The following TGS1 variants were observed in gnomAD, a reference collection of about 807,000 sequenced individuals.
The protein encoded by TGS1 is trimethylguanosine synthase 1, also known as trimethylguanosine synthase.
In TGS1, 69 loss-of-function variants were observed where a neutral mutation model predicts 92.2. The observed-to-expected ratio is 0.75, with a 90% CI of 0.62 to 0.91. TGS1 has a LOEUF of 0.91. TGS1 is among the 40% of genes least tolerant of loss of function. The pLI is 0.00. For synonymous variants in TGS1, 345 were observed against 338.1 expected (o/e 1.02, Z -0.22); for missense variants, 1,062 against 1,001.2 (o/e 1.06, Z -0.82).
chr8:55,817,927 G>T (rs954659792), intron 12 of TGS1, among the ~76,000 whole-genome samples: 3 of 152,166 alleles, frequency 2.0e-5, no homozygotes, highest in Admixed American at 6.5e-5. Flanking sequence ...CACACTTAGG[G>T]TGTACAGTGT....
At chr8:55,798,160 A>G (rs1040935733) in intron 7 of TGS1, among the ~76,000 whole-genome samples, 1 of 152,188 alleles carries the variant, frequency 6.6e-6, no homozygotes, top group Non-Finnish European at 1.5e-5. Flanking sequence ...TAGATACCTA[A>G]TTTATTTATA....
intron 10 of TGS1, among the ~76,000 whole-genome samples, chr8:55,808,331 A>C (rs982423344): frequency 2.0e-5 from 3 of 152,076 alleles, no homozygotes; most frequent in African/African-American, 7.2e-5. Context: ...ATCAATATTT[A>C]TTGCCTAAAA....
At chr8:55,814,204 T>C (rs1037290478) in intron 12 of TGS1, among the ~76,000 whole-genome samples, 6 of 152,108 alleles carry the variant, frequency 3.9e-5, no homozygotes, top group South Asian at 2.1e-4. Context: ...TGCCTCAGCC[T>C]CCCTAAGTGC....
intron 8 of TGS1, among the ~76,000 whole-genome samples, chr8:55,801,667 C>T (rs562273836): frequency 7.1e-6 from 1 of 139,868 alleles, no homozygotes; most frequent in Non-Finnish European, 1.5e-5. Context: ...CAGCTCACTG[C>T]AAGCTCCGCC....
chr8:55,781,813 A>G (rs1454946387), intron 1 of TGS1, among the ~76,000 whole-genome samples: 1 of 152,238 alleles, frequency 6.6e-6, no homozygotes, highest in Non-Finnish European at 1.5e-5. Context: ...TAGAAAAGTT[A>G]TGTTAGCTTC....
Position 55,785,745 on chromosome 8 carries a change from G to C in TGS1, c.193G>C (p.Gly65Arg). The stretch of plus-strand genomic sequence containing the variant: ...AGACCAGGCGACAGAAGAAGAGGAA[G>C]GTGGTTATTCCTGTGGTACTGCAGA... The part of the protein sequence containing the change: ...SGDQATEEEE[G>R]GYSCGTAESH... The change falls in exon 3 of 13, where the codon GGT (glycine) becomes CGT (arginine). Residue 65 changes from glycine (G) to arginine (R), a missense_variant. Physicochemically the swap from Gly to Arg is moderately radical, Grantham distance 125. Coordinates refer to ENST00000260129, the MANE Select transcript of TGS1 (RefSeq NM_024831.8). 2 of 1,610,290 alleles carry C rather than the reference G, an allele frequency of 1.2e-6. No homozygotes were observed. Among genetic ancestry groups the C allele is most frequent in the Non-Finnish European group, 1.7e-6 (2 of 1,178,762 alleles).
intron 3 of TGS1, 30 bp downstream of exon 3, chr8:55,785,921 C>G (rs1490763374): frequency 6.5e-7 from 1 of 1,541,572 alleles, no homozygotes; most frequent in Middle Eastern, 1.7e-4. Context: ...TATTATTTCT[C>G]TCTCTTCGTT....
At chr8:55,777,455 G>A (rs955023670) in intron 1 of TGS1, among the ~76,000 whole-genome samples, 3 of 151,782 alleles carry the variant, frequency 2.0e-5, no homozygotes, top group Admixed American at 6.6e-5. Flanking sequence ...CACTGACCAC[G>A]CCCCCTGAAT....
At chr8:55,804,597 G>A (rs903759192) in intron 9 of TGS1, among the ~76,000 whole-genome samples, 1 of 152,142 alleles carries the variant, frequency 6.6e-6, no homozygotes, top group East Asian at 1.9e-4. Context: ...AGTAGTTAAA[G>A]CCTCAAAGAG....
rs147571981 is a variant in TGS1, at chr8:55,774,487, G to A, written c.101+768G>A. Among the ~76,000 whole-genome samples, 248 of 152,244 alleles carry A rather than the reference G, an allele frequency of 1.6e-3. 1 individual carries two copies. The highest frequency in any genetic ancestry group is 5.8e-3 in the African/African-American group (240 of 41,554). On this transcript the variant is annotated intron_variant, in intron 1 of 12. Transcript: ENST00000260129. ...AAGTTTGAAGGAATTCATTTTTCTC[G>A]TGTAATTTTGTGGAGTAATTTGAAA...
intron 9 of TGS1, among the ~76,000 whole-genome samples, chr8:55,804,551 A>G (rs1812309782): frequency 6.6e-6 from 1 of 152,214 alleles, no homozygotes; most frequent in Non-Finnish European, 1.5e-5. Flanking sequence ...GAGCTAGCCA[A>G]TTAGAGCAGC....
chr8:55,797,134 A>G (rs944875795), intron 7 of TGS1, among the ~76,000 whole-genome samples: 3 of 152,204 alleles, frequency 2.0e-5, no homozygotes, highest in African/African-American at 7.2e-5. Flanking sequence ...TGAAGGAAAG[A>G]GGTTTAATTG....
chr8:55,784,356 A>G (rs1279450700), intron 2 of TGS1, among the ~76,000 whole-genome samples: 1 of 152,090 alleles, frequency 6.6e-6, no homozygotes, highest in African/African-American at 2.4e-5. Flanking sequence ...GGGATTTCAA[A>G]CCTTTCTCTT....
intron 7 of TGS1, 98 bp downstream of exon 7, chr8:55,796,250 C>A: frequency 1.1e-6 from 1 of 922,608 alleles, no homozygotes; most frequent in African/African-American, 1.7e-5. Flanking sequence ...TTGTTTCTAC[C>A]AGGTATCAAG....
chr8:55,779,261 G>C (rs1485795610), intron 1 of TGS1, among the ~76,000 whole-genome samples: 1 of 152,162 alleles, frequency 6.6e-6, no homozygotes, highest in Non-Finnish European at 1.5e-5. Context: ...AATGCTCTTG[G>C]AGATACTTGA....
intron 6 of TGS1, among the ~76,000 whole-genome samples, chr8:55,795,252 A>G (rs1308508362): frequency 6.6e-6 from 1 of 152,216 alleles, no homozygotes; most frequent in Non-Finnish European, 1.5e-5. Flanking sequence ...TCTTCTATTT[A>G]GAGCACCCAA....
chr8:55,786,885 G>A lies in TGS1; in HGVS notation c.987G>A (p.Glu329=), dbSNP rs769557194. 1.2e-5 allele frequency: 20 copies of A among 1,614,138 alleles called. No homozygotes were observed. In the South Asian group the frequency reaches 2.0e-4, roughly 16 times the overall value. ...DGISNIKLNS[E]EVTQSQLDSC... is the part of the protein sequence containing the mutation. ...TTAGTAACATAAAACTGAATTCAGA[G>A]GAAGTAACACAGAGCCAATTAGATT... The change falls in exon 4 of 13, where the codon GAG becomes GAA. Residue 329 remains glutamate, a synonymous_variant. Transcript: ENST00000260129.
At chr8:55,810,787 A>T in intron 10 of TGS1, 94 bp from the exon 11 acceptor site, 1 of 1,021,398 alleles carries the variant, frequency 9.8e-7, no homozygotes, top group Non-Finnish European at 1.5e-6. Context: ...AAGAGTTCTT[A>T]TACAGAAGAT....
At chr8:55,784,926 C>T (rs1028669877) in intron 2 of TGS1, among the ~76,000 whole-genome samples, 1 of 152,152 alleles carries the variant, frequency 6.6e-6, no homozygotes, top group Admixed American at 6.5e-5. Flanking sequence ...AGCAGATGCT[C>T]AATAAGAGTA....
Sources: gnomAD v4.1 joint callset for allele counts (sites outside exome capture counted in the v4.1 genomes callset) on GRCh38, gnomAD v4.1.1 for gene constraint, MANE v1.5 for transcripts, NCBI Gene and HGNC (gene_info 2026-07-23, HGNC 2026-07-21) for gene names.